The following MTA3 variants were observed in gnomAD, a reference collection of about 807,000 sequenced individuals.
MTA3 encodes metastasis associated 1 family member 3.
MTA3 carries 34 observed loss-of-function variants against 83.5 expected under a neutral mutation model. The observed-to-expected ratio is 0.41, with a 90% CI of 0.31 to 0.54. MTA3 has a LOEUF of 0.54. Among genes scored for constraint, MTA3 ranks in the 20% least tolerant of loss-of-function variants. MTA3 has a pLI of 0.33. For missense variants in MTA3, 761 were observed against 726.4 expected, an observed-to-expected ratio of 1.05 and a Z score of -0.55; for synonymous variants, 303 against 252.7, an observed-to-expected ratio of 1.20 and a Z score of -1.89.
At chr2:42,581,143 T>G (rs1679574830) in intron 3 of MTA3, among the ~76,000 whole-genome samples, 1 of 152,308 alleles carries the variant, frequency 6.6e-6, no homozygotes, top group East Asian at 1.9e-4. Flanking sequence ...TTCAATTAAT[T>G]GCTGACATGT....
intron 14 of MTA3, among the ~76,000 whole-genome samples, chr2:42,711,777 A>AGTGTGTGTTTGTGT (rs1553393276): frequency 6.7e-6 from 1 of 148,536 alleles, no homozygotes; most frequent in South Asian, 2.1e-4. Context: ...TATAGGAGAG[A>AGTGTGTGTTTGTGT]GAGAGAGTGT....
intron 2 of MTA3, among the ~76,000 whole-genome samples, chr2:42,498,503 C>A (rs1674246111): frequency 6.6e-6 from 1 of 152,188 alleles, no homozygotes; most frequent in African/African-American, 2.4e-5. Context: ...CTGTATCATA[C>A]ATAGTCAGCA....
At chr2:42,667,006 G>C (rs1690286335) in intron 8 of MTA3, among the ~76,000 whole-genome samples, 1 of 152,108 alleles carries the variant, frequency 6.6e-6, no homozygotes, top group East Asian at 1.9e-4. Flanking sequence ...TATCCCCAGA[G>C]CTGTACACAC....
At chr2:42,547,369 C>T (rs1676803183) in intron 2 of MTA3, among the ~76,000 whole-genome samples, 1 of 152,210 alleles carries the variant, frequency 6.6e-6, no homozygotes, top group Admixed American at 6.5e-5. Flanking sequence ...GCTCTGTCGC[C>T]CAGGCCGGAG....
chr2:42,740,284 G>T (rs1245203107), intron 16 of MTA3, among the ~76,000 whole-genome samples: 2 of 152,236 alleles, frequency 1.3e-5, no homozygotes, highest in Non-Finnish European at 2.9e-5. Flanking sequence ...GCCAAGACAG[G>T]TGGATTGCTT....
chr2:42,601,994 C>G (rs1327510816), intron 3 of MTA3, among the ~76,000 whole-genome samples: 2 of 152,230 alleles, frequency 1.3e-5, no homozygotes, highest in Non-Finnish European at 2.9e-5. Flanking sequence ...CACCCACCAC[C>G]TTGCCCGGCT....
At chr2:42,734,768 C>T (rs1256373963) in intron 16 of MTA3, among the ~76,000 whole-genome samples, 1 of 151,972 alleles carries the variant, frequency 6.6e-6, no homozygotes, top group African/African-American at 2.4e-5. Context: ...TATCTTATAA[C>T]CTGTTATTTT....
At chr2:42,702,552 T>C (rs1665676932) in intron 11 of MTA3, 1 of 152,218 alleles carries the variant, frequency 6.6e-6, no homozygotes, top group Non-Finnish European at 1.5e-5. Context: ...ATTGCATCAG[T>C]AGATATGGGA....
intron 2 of MTA3, among the ~76,000 whole-genome samples, chr2:42,514,774 T>G (rs2374432): frequency 0.82 from 118,302 of 143,952 alleles, 49,233 homozygotes; most frequent in African/African-American, 0.95. Flanking sequence ...TGCATCCTCA[T>G]ACTTATGGGA....
chr2:42,572,928 A>G (rs958777223), intron 2 of MTA3, among the ~76,000 whole-genome samples: 17 of 152,022 alleles, frequency 1.1e-4, no homozygotes, highest in African/African-American at 3.9e-4. Context: ...GAGTTTCACC[A>G]TGTTGGTTGG....
chr2:42,708,246 A>G (rs892761377), intron 13 of MTA3, among the ~76,000 whole-genome samples, 192 bp downstream of exon 13: 23 of 152,242 alleles, frequency 1.5e-4, no homozygotes, highest in African/African-American at 5.5e-4. Flanking sequence ...GGTATTCAGA[A>G]TAATGGTCTC....
chr2:42,606,388 C>T (rs1435361271), intron 3 of MTA3, among the ~76,000 whole-genome samples: 4 of 146,548 alleles, frequency 2.7e-5, no homozygotes, highest in African/African-American at 5.1e-5. Context: ...TCAGACGGGG[C>T]GGCCGGGCAG....
intron 16 of MTA3, among the ~76,000 whole-genome samples, chr2:42,733,312 C>G (rs921131793): frequency 6.6e-6 from 1 of 152,138 alleles, no homozygotes; most frequent in Non-Finnish European, 1.5e-5. Flanking sequence ...AATGCAGAAA[C>G]CCCTGATAAA....
intron 3 of MTA3, among the ~76,000 whole-genome samples, chr2:42,599,554 C>T (rs1161891358): frequency 6.6e-6 from 1 of 151,862 alleles, no homozygotes; most frequent in Non-Finnish European, 1.5e-5. Context: ...TGCGCCACTG[C>T]ACTCCAGCCC....
intron 2 of MTA3, among the ~76,000 whole-genome samples, chr2:42,527,923 T>TTTTTC (rs1675792676): frequency 1.3e-5 from 2 of 152,106 alleles, no homozygotes; most frequent in Non-Finnish European, 2.9e-5. Flanking sequence ...TTATGACTTC[T>TTTTTC]TTTTCTTTTC....
At chr2:42,662,516 G>A (rs943445539) in intron 8 of MTA3, among the ~76,000 whole-genome samples, 6 of 151,530 alleles carry the variant, frequency 4.0e-5, no homozygotes, top group Admixed American at 2.0e-4. Context: ...TTCATGATTT[G>A]TAATGCCCCT....
intron 2 of MTA3, among the ~76,000 whole-genome samples, chr2:42,508,914 T>C (rs1674771864): frequency 6.7e-6 from 1 of 148,952 alleles, no homozygotes; most frequent in South Asian, 2.1e-4. Context: ...ATATAGTATA[T>C]ATGTTGGGGG....
chr2:42,644,207 T>G lies in MTA3; in HGVS notation c.462T>G (p.Pro154=), dbSNP rs1341685792. ...ACAAAGGTGAAATCAGAGTGGGACC[T>G]AGATATCAAGCAGACATTCCAGAAA... ...LADKGEIRVG[P]RYQADIPEML... is the part of the protein sequence containing the mutation. The change falls in exon 6 of 17, where the codon CCT becomes CCG. Residue 154 remains proline, a synonymous_variant. Coordinates refer to ENST00000405094, the MANE Select transcript of MTA3 (RefSeq NM_001330442.2). The G allele has an allele frequency of 1.2e-6, 2 of 1,612,960 alleles. No individual in the cohort carries two copies. The highest frequency in any genetic ancestry group is 2.2e-5 in the South Asian group (2 of 90,914).
At chr2:42,674,951 A>G (rs2104417973) in intron 8 of MTA3, among the ~76,000 whole-genome samples, 1 of 151,324 alleles carries the variant, frequency 6.6e-6, no homozygotes, top group South Asian at 2.1e-4. Flanking sequence ...CACTGTGCCC[A>G]GCTAATTAAA....
Sources: allele counts gnomAD v4.1 joint callset (sites outside exome capture counted in the v4.1 genomes callset), GRCh38; gene constraint gnomAD v4.1.1; transcripts MANE v1.5; gene names NCBI Gene and HGNC (gene_info 2026-07-23, HGNC 2026-07-21).